The following NAV3 variants were observed in gnomAD, a reference collection of about 807,000 sequenced individuals.
The protein encoded by NAV3 is neuron navigator 3.
A neutral mutation model predicts 244.7 loss-of-function variants in NAV3; 87 were observed. That is an observed-to-expected ratio of 0.36 (90% CI 0.30 to 0.42). NAV3 has a LOEUF of 0.42. NAV3 is among the 20% of genes least tolerant of loss of function. NAV3 has a pLI of 1.00. For synonymous variants in NAV3, 1,126 were observed against 1,042.2 expected, an observed-to-expected ratio of 1.08 and a Z score of -1.55; for missense variants, 2,663 against 2,893.3, an observed-to-expected ratio of 0.92 and a Z score of 1.83.
At chr12:77,978,351 CAG>C (rs1868890494) in intron 5 of NAV3, among the ~76,000 whole-genome samples, 1 of 152,048 alleles carries the variant, frequency 6.6e-6, no homozygotes, top group South Asian at 2.1e-4. Flanking sequence ...AATTTTATAA[CAG>C]GACATTTTGA....
At chr12:77,686,065 T>C (rs2246887) in intron 2 of NAV3, among the ~76,000 whole-genome samples, 139,048 of 152,044 alleles carry the variant, frequency 0.91, 63,926 homozygotes, top group East Asian at 1. Flanking sequence ...TCCTCTCCCA[T>C]CATGCCTGAT....
chr12:78,115,029 C>T (rs2138478594), intron 12 of NAV3, among the ~76,000 whole-genome samples: 1 of 152,262 alleles, frequency 6.6e-6, no homozygotes, highest in African/African-American at 2.4e-5. Flanking sequence ...GATCTAAATA[C>T]ATTACCATTA....
chr12:77,819,989 G>A (rs1872669344), intron 2 of NAV3, among the ~76,000 whole-genome samples: 1 of 152,084 alleles, frequency 6.6e-6, no homozygotes, highest in Admixed American at 6.6e-5. Flanking sequence ...TGGAAGTAAA[G>A]GGGAATGCAT....
At chr12:78,159,077 CTATGATAG>C in intron 22 of NAV3, 118 bp from the exon 23 acceptor site, 1 of 624,938 alleles carries the variant, frequency 1.6e-6, no homozygotes, top group Non-Finnish European at 2.7e-6. Context: ...TCAGAGCTAA[CTATGATAG>C]TCATAGTATT....
chr12:78,154,214 C>A (rs1957188863), intron 22 of NAV3, among the ~76,000 whole-genome samples: 2 of 92,222 alleles, frequency 2.2e-5, no homozygotes, highest in Admixed American at 2.7e-4. Context: ...TCTAGGTATA[C>A]ATATATGCCT....
chr12:77,755,853 C>A (rs1869147838), intron 2 of NAV3, among the ~76,000 whole-genome samples: 1 of 151,688 alleles, frequency 6.6e-6, no homozygotes, highest in South Asian at 2.1e-4. Flanking sequence ...ACCACCTCAA[C>A]CTTCCAAGTA....
At chr12:77,867,469 G>C (rs1443695781) in intron 1 of NAV3, among the ~76,000 whole-genome samples, 1 of 152,100 alleles carries the variant, frequency 6.6e-6, no homozygotes, top group Non-Finnish European at 1.5e-5. Flanking sequence ...ACACAGGCTG[G>C]AGTGCAGTGG....
At chr12:78,015,819 G>A (rs1212200869) in intron 8 of NAV3, among the ~76,000 whole-genome samples, 4 of 151,970 alleles carry the variant, frequency 2.6e-5, no homozygotes, top group South Asian at 4.1e-4. Flanking sequence ...AATGACAACT[G>A]GTTTTCTAAT....
chr12:77,807,731 T>G (rs1441626583), intron 2 of NAV3, among the ~76,000 whole-genome samples: 1 of 152,338 alleles, frequency 6.6e-6, no homozygotes, highest in East Asian at 1.9e-4. Flanking sequence ...CCTGTCTTGC[T>G]AGGTTGGGGA....
intron 2 of NAV3, among the ~76,000 whole-genome samples, chr12:77,741,169 A>AAAAAAAAAAAAAAAAAAAAAGAT (rs1868328036): frequency 6.7e-6 from 1 of 148,254 alleles, no homozygotes; most frequent in Non-Finnish European, 1.5e-5. Context: ...AAAAAAAAGA[A>AAAAAAAAAAAAAAAAAAAAAGAT]AAGAAAGAAA....
intron 3 of NAV3, among the ~76,000 whole-genome samples, chr12:77,942,188 C>T (rs1889933177): frequency 6.6e-6 from 1 of 152,140 alleles, no homozygotes; most frequent in South Asian, 2.1e-4. Context: ...GCCTGACCAA[C>T]ATGGAGAAAT....
chr12:77,890,697 T>C (rs1883830698), intron 1 of NAV3, among the ~76,000 whole-genome samples: 2 of 152,122 alleles, frequency 1.3e-5, no homozygotes, highest in South Asian at 4.1e-4. Flanking sequence ...TATCCAGAAA[T>C]TACAATATAA....
At chr12:77,837,656 G>C (rs1874899590) in intron 1 of NAV3, among the ~76,000 whole-genome samples, 1 of 152,172 alleles carries the variant, frequency 6.6e-6, no homozygotes, top group African/African-American at 2.4e-5. Flanking sequence ...TCTTAACCAA[G>C]AAACTACACT....
chr12:77,876,849 A>G (rs1881914751), intron 1 of NAV3, among the ~76,000 whole-genome samples: 1 of 152,014 alleles, frequency 6.6e-6, no homozygotes, highest in Non-Finnish European at 1.5e-5. Context: ...TCTGCTTTTT[A>G]TGTTTCTAAT....
At chr12:78,065,250 GA>G (rs2137521892) in intron 12 of NAV3, among the ~76,000 whole-genome samples, 1 of 152,150 alleles carries the variant, frequency 6.6e-6, no homozygotes, top group African/African-American at 2.4e-5. Flanking sequence ...GCTCTTTTTG[GA>G]GATTTTAATG....
chr12:77,966,526 C>G (rs979304356), intron 4 of NAV3, among the ~76,000 whole-genome samples: 1 of 151,892 alleles, frequency 6.6e-6, no homozygotes, highest in African/African-American at 2.4e-5. Context: ...TCTTAACCAA[C>G]TATATGGGAG....
intron 1 of NAV3, among the ~76,000 whole-genome samples, chr12:77,878,566 C>T (rs1365434915): frequency 6.6e-6 from 1 of 151,626 alleles, no homozygotes; most frequent in Non-Finnish European, 1.5e-5. Context: ...ATAATATACA[C>T]ACCATAGTTA....
intron 12 of NAV3, among the ~76,000 whole-genome samples, chr12:78,061,110 A>G (rs1884263252): frequency 6.6e-6 from 1 of 152,160 alleles, no homozygotes; most frequent in Non-Finnish European, 1.5e-5. Context: ...ACTTCATAGA[A>G]AGACAGATTC....
At chr12:77,799,435 C>G (rs77835597) in intron 2 of NAV3, among the ~76,000 whole-genome samples, 1 of 152,046 alleles carries the variant, frequency 6.6e-6, no homozygotes, top group Non-Finnish European at 1.5e-5. Flanking sequence ...AGAATTATTG[C>G]CCAATTTTAA....
Sources: allele counts gnomAD v4.1 joint callset (sites outside exome capture counted in the v4.1 genomes callset), GRCh38; gene constraint gnomAD v4.1.1; transcripts MANE v1.5; gene names NCBI Gene and HGNC (gene_info 2026-07-23, HGNC 2026-07-21).